UGT1A5: variants seen among roughly 807,000 people sequenced by gnomAD.
The protein encoded by UGT1A5 is UDP-glucuronosyltransferase 1A5.
A neutral mutation model predicts 40.3 loss-of-function variants in UGT1A5; 29 were observed. The observed-to-expected ratio is 0.72, with a 90% CI of 0.54 to 0.98. The LOEUF (loss-of-function observed/expected upper bound fraction) is 0.98, where lower values mean the gene tolerates loss of function less well. Among genes scored for constraint, UGT1A5 ranks in the 50% least tolerant of loss-of-function variants. The pLI is 0.00. For missense variants in UGT1A5, 678 were observed against 677.9 expected (o/e 1.00, Z 0.00); for synonymous variants, 257 against 262.5 (o/e 0.98, Z 0.20).
intron 1 of UGT1A5, among the ~76,000 whole-genome samples, chr2:233,715,259 C>G (rs2076441984): frequency 6.6e-6 from 1 of 152,152 alleles, no homozygotes; most frequent in African/African-American, 2.4e-5. Context: ...AAAAAATCCC[C>G]TTACATAACA....
chr2:233,755,002 C>G, intron 1 of UGT1A5: 1 of 1,294,350 alleles, frequency 7.7e-7, no homozygotes, highest in Non-Finnish European at 1.0e-6. Context: ...AAGCTGAAGA[C>G]CTACTCGAAG....
intron 1 of UGT1A5, among the ~76,000 whole-genome samples, chr2:233,761,716 C>T (rs1291431022): frequency 6.6e-6 from 1 of 152,198 alleles, no homozygotes; most frequent in Non-Finnish European, 1.5e-5. Flanking sequence ...CATTCTCAAG[C>T]TATTAGGTTT....
chr2:233,772,283 C>T lies in UGT1A5; in HGVS notation c.1329C>T (p.Arg443=), dbSNP rs1700499600. Residue 443 remains arginine, a synonymous_variant, in exon 5 of 5, where the codon CGC becomes CGT. Coordinates refer to ENST00000373414, the MANE Select transcript of UGT1A5 (RefSeq NM_019078.2). ...TTAGTTACAAGGAGAACATCATGCG[C>T]CTCTCCAGCCTTCACAAGGACCGCC... is the stretch of plus-strand genomic sequence containing the variant. ...NDKSYKENIM[R]LSSLHKDRPV... 1 of 1,614,232 alleles carries T rather than the reference C, an allele frequency of 6.2e-7. No homozygotes were observed. The highest frequency in any genetic ancestry group is 8.5e-7 in the Non-Finnish European group (1 of 1,180,050).
Position 233,719,317 on chromosome 2 carries a change from C to T in UGT1A5, c.867+5459C>T, listed in dbSNP as rs149079663. 5.0e-5 allele frequency: 81 copies of T among 1,613,916 alleles called. No individual in the cohort carries two copies. In the Admixed American group the frequency reaches 5.2e-4, roughly 10 times the overall value. ...GGGGCGGTGCTGGCTAAGTACCTGT[C>T]GATTCCTGCTGTGTTTTTTTGGAGG... On this transcript the variant is annotated intron_variant, in intron 1 of 4. Transcript: ENST00000373414.
rs1361976171 is a variant in UGT1A5, at chr2:233,732,838, C to T, written c.867+18980C>T. ...ATATGAACTTTAAAGTAGTTTTTTC[C>T]AATTTTGTGAAGTCATTGGTAGCTT... On this transcript the variant is annotated intron_variant, in intron 1 of 4. Transcript: ENST00000373414. Among the ~76,000 whole-genome samples, 5 of 149,882 alleles carry T rather than the reference C, an allele frequency of 3.3e-5. No homozygotes were observed. The East Asian group carries it at 7.8e-4, about 23-fold the overall frequency.
At chr2:233,740,067 CCTCT>C (rs2125827081) in intron 1 of UGT1A5, among the ~76,000 whole-genome samples, 1 of 151,938 alleles carries the variant, frequency 6.6e-6, no homozygotes, top group South Asian at 2.1e-4. Flanking sequence ...ACAAGCTTTT[CCTCT>C]CTGTCTCTCG....
At chr2:233,742,275 G>A (rs530513116) in intron 1 of UGT1A5, among the ~76,000 whole-genome samples, 1 of 152,110 alleles carries the variant, frequency 6.6e-6, no homozygotes, top group East Asian at 1.9e-4. Context: ...CCTGTGATAA[G>A]CATCATTTCT....
chr2:233,756,867 A>G (rs1696345669), intron 1 of UGT1A5, among the ~76,000 whole-genome samples: 1 of 152,076 alleles, frequency 6.6e-6, no homozygotes, highest in African/African-American at 2.4e-5. Flanking sequence ...CATAAAGGGT[A>G]TTAGGTGTAA....
intron 1 of UGT1A5, chr2:233,761,214 TTAAC>T (rs747537928): frequency 1.9e-6 from 3 of 1,613,728 alleles, no homozygotes; most frequent in Non-Finnish European, 2.5e-6. Context: ...TTTGGATCGA[TTAAC>T]TAGCCCCAGA....
At position 233,713,570 on chromosome 2, in the gene UGT1A5, T is replaced by C; in HGVS notation, c.579T>C (p.Tyr193=). ...KGTQCPNPSS[Y]IPRLLTTNSD... ...CACAGTGTCCAAACCCTTCCTCCTA[T>C]ATTCCTAGATTACTAACGACCAATT... The change falls in exon 1 of 5, where the codon TAT becomes TAC. Residue 193 remains tyrosine, a synonymous_variant. Coordinates refer to ENST00000373414, the MANE Select transcript of UGT1A5 (RefSeq NM_019078.2). 1 of 1,613,974 alleles carries C rather than the reference T, an allele frequency of 6.2e-7. No individual in the cohort carries two copies. Among genetic ancestry groups the C allele is most frequent in the Non-Finnish European group, 8.5e-7 (1 of 1,179,870 alleles).
At chr2:233,747,905 T>G in intron 1 of UGT1A5, 2 of 1,613,538 alleles carry the variant, frequency 1.2e-6, no homozygotes, top group Non-Finnish European at 1.7e-6. Flanking sequence ...CTGCTCCTTA[T>G]GCAAGCCTTG....
intron 1 of UGT1A5, chr2:233,761,181 G>A (rs539737168): frequency 1.9e-5 from 31 of 1,614,124 alleles, no homozygotes; most frequent in East Asian, 2.2e-5. Flanking sequence ...TTTTACATGC[G>A]TATATTCTTT....
At chr2:233,757,562 G>A (rs1976390) in intron 1 of UGT1A5, among the ~76,000 whole-genome samples, 12,378 of 80,798 alleles carry the variant, frequency 0.15, 1,302 homozygotes, top group African/African-American at 0.2. Context: ...ATATATATAT[G>A]TATATATGAT....
At chr2:233,764,754 C>T (rs955406982) in intron 1 of UGT1A5, among the ~76,000 whole-genome samples, 3 of 152,116 alleles carry the variant, frequency 2.0e-5, no homozygotes, top group African/African-American at 7.2e-5. Context: ...GTGGTGCAGA[C>T]CCTAGGGAGG....
At position 233,768,369 on chromosome 2, in the gene UGT1A5, A is replaced by T. The variant is rs1156645272; in HGVS notation, c.1237A>T (p.Thr413Ser). 8.1e-6 allele frequency: 13 copies of T among 1,614,034 alleles called. No homozygotes were observed. The South Asian group carries it at 1.1e-4, about 14-fold the overall frequency. Residue 413 changes from threonine to serine, a missense_variant, in exon 4 of 5, where the codon ACC (threonine) becomes TCC (serine). Thr to Ser is a moderately conservative substitution (Grantham distance 58). Coordinates refer to ENST00000373414, the MANE Select transcript of UGT1A5 (RefSeq NM_019078.2). ...CATGGAGACTAAGGGAGCTGGAGTG[A>T]CCCTGAATGTTCTGGAAATGACTTC... Reference protein sequence around the residue: ...KRMETKGAGVTLNVLEMTSED... With the variant: ...KRMETKGAGVSLNVLEMTSED...
rs543664272 is a variant in UGT1A5 at position 233,740,192 on chromosome 2, C to A, written c.867+26334C>A. Among the ~76,000 whole-genome samples, 491 of 151,932 alleles carry A rather than the reference C, an allele frequency of 3.2e-3. 4 individuals are homozygous for A. The highest frequency in any genetic ancestry group is 5.8e-3 in the Non-Finnish European group (395 of 68,032). On this transcript the variant is annotated intron_variant, in intron 1 of 4. Transcript: ENST00000373414. ...AACTGTGAGTCAATTAAACCTCTTT[C>A]TTTTATAAATTACCCAGTCTCAGCT...
intron 1 of UGT1A5, among the ~76,000 whole-genome samples, chr2:233,727,901 A>G (rs2077664960): frequency 6.6e-6 from 1 of 152,194 alleles, no homozygotes; most frequent in Non-Finnish European, 1.5e-5. Context: ...CGGCCAGGCA[A>G]GAAGACACAG....
At chr2:233,724,057 G>C (rs1302014170) in intron 1 of UGT1A5, among the ~76,000 whole-genome samples, 9 of 86,764 alleles carry the variant, frequency 1.0e-4, no homozygotes, top group Non-Finnish European at 1.5e-4. Flanking sequence ...ACACCTCCCA[G>C]ACGGGGTGGT....
intron 1 of UGT1A5, among the ~76,000 whole-genome samples, chr2:233,765,933 G>C (rs1285596589): frequency 2.6e-5 from 4 of 152,108 alleles, no homozygotes; most frequent in African/African-American, 9.7e-5. Flanking sequence ...CGGGCAGGTT[G>C]TGGGGCTCTG....
Sources: gnomAD v4.1 joint callset for allele counts (sites outside exome capture counted in the v4.1 genomes callset) on GRCh38, gnomAD v4.1.1 for gene constraint, MANE v1.5 for transcripts, NCBI Gene and HGNC (gene_info 2026-07-23, HGNC 2026-07-21) for gene names.